Variants in MIS18BP1 observed in about 807,000 individuals in gnomAD.
MIS18BP1 encodes MIS18 binding protein 1, also known as mis18-binding protein 1.
A neutral mutation model predicts 116.1 loss-of-function variants in MIS18BP1; 72 were observed. That is an observed-to-expected ratio of 0.62 (90% confidence interval 0.51 to 0.75). The LOEUF (loss-of-function observed/expected upper bound fraction) is 0.75. Among genes scored for constraint, MIS18BP1 ranks in the 30% least tolerant of loss-of-function variants. The pLI, the probability that MIS18BP1 is intolerant of heterozygous loss-of-function variation, is 0.00. For synonymous variants in MIS18BP1, 386 were observed against 427.0 expected (o/e 0.90, Z 1.18); for missense variants, 1,363 against 1,303.2 (o/e 1.05, Z -0.71).
chr14:45,223,107 C>A (rs991671370), intron 11 of MIS18BP1, among the ~76,000 whole-genome samples: 1 of 150,556 alleles, frequency 6.6e-6, no homozygotes, highest in South Asian at 2.1e-4. Context: ...AAAAACAAAC[C>A]AAACCAAACA....
At chr14:45,231,075 A>G in intron 8 of MIS18BP1, 66 bp downstream of exon 8, 1 of 1,520,906 alleles carries the variant, frequency 6.6e-7, no homozygotes, top group South Asian at 1.2e-5. Context: ...ATTATAAACC[A>G]TAAACAATGT....
chr14:45,204,457 T>TA lies in MIS18BP1; in HGVS notation c.3241-5dup, dbSNP rs1566798538. 1 of 1,589,088 alleles carries TA rather than the reference T, an allele frequency of 6.3e-7. No homozygotes were observed. On this transcript the variant is annotated splice_polypyrimidine_tract_variant and splice_region_variant and intron_variant, in intron 15 of 16. Coordinates refer to ENST00000310806, the MANE Select transcript of MIS18BP1 (RefSeq NM_018353.5). ...GAGTTGAGAAATCAGTTTCAACCTATAAAAGAGTTACTATTAATAGCTAAA... is the reference window on the plus strand; with the variant it reads ...GAGTTGAGAAATCAGTTTCAACCTATAAAAAGAGTTACTATTAATAGCTAAA...
At chr14:45,225,677 T>G (rs1421707201) in intron 10 of MIS18BP1, among the ~76,000 whole-genome samples, 3 of 152,156 alleles carry the variant, frequency 2.0e-5, no homozygotes, top group Admixed American at 6.5e-5. Context: ...CCTGAGAATC[T>G]TATATCTTGT....
At chr14:45,247,656 T>C (rs1891758521) in intron 1 of MIS18BP1, among the ~76,000 whole-genome samples, 1 of 152,000 alleles carries the variant, frequency 6.6e-6, no homozygotes, top group African/African-American at 2.4e-5. Context: ...GTCATGATTG[T>C]GCCACTGCAT....
chr14:45,218,161 G>T, intron 12 of MIS18BP1, 121 bp downstream of exon 12: 1 of 1,108,434 alleles, frequency 9.0e-7, no homozygotes, highest in Non-Finnish European at 1.3e-6. Context: ...ATTCTCTCTA[G>T]CTTTAAAATT....
At position 45,239,194 on chromosome 14, in the gene MIS18BP1, T is replaced by A. The variant is rs189674247; in HGVS notation, c.1144-1473A>T. 2.0e-5 allele frequency among the ~76,000 whole-genome samples: 3 copies of A among 152,202 alleles called. 1 individual carries two copies. The East Asian group carries it at 5.8e-4, about 29-fold the overall frequency. On this transcript the variant is annotated intron_variant, in intron 4 of 16. Coordinates refer to ENST00000310806, the MANE Select transcript of MIS18BP1 (RefSeq NM_018353.5). The stretch of plus-strand genomic sequence containing the variant: ...ACACACTGTTTTAGATAGTGGAGAT[T>A]GAGTGAGAAAGTAAACAGCTGCCCC...
intron 14 of MIS18BP1, chr14:45,210,144 C>A: frequency 2.9e-6 from 1 of 343,254 alleles, no homozygotes; most frequent in African/African-American, 2.1e-5. Flanking sequence ...CAAGTAAAAC[C>A]TTGATCCATT....
At chr14:45,252,741 G>T (rs915951512) in intron 1 of MIS18BP1, among the ~76,000 whole-genome samples, 1 of 149,538 alleles carries the variant, frequency 6.7e-6, no homozygotes, top group African/African-American at 2.5e-5. Context: ...GGGTACTGAG[G>T]AATACAATTT....
chr14:45,235,607 A>AAC (rs1449221258), intron 6 of MIS18BP1, among the ~76,000 whole-genome samples: 11 of 151,734 alleles, frequency 7.2e-5, no homozygotes, highest in Non-Finnish European at 1.3e-4. Context: ...AAAAAAAAAA[A>AAC]CAAAAACACA....
At chr14:45,214,184 T>C (rs1452552659) in intron 13 of MIS18BP1, among the ~76,000 whole-genome samples, 1 of 152,204 alleles carries the variant, frequency 6.6e-6, no homozygotes, top group Non-Finnish European at 1.5e-5. Context: ...GAAGTCCTCT[T>C]TGCAGTTGAG....
At chr14:45,241,270 G>A (rs909311032) in intron 4 of MIS18BP1, among the ~76,000 whole-genome samples, 12 of 152,192 alleles carry the variant, frequency 7.9e-5, no homozygotes, top group Non-Finnish European at 1.5e-4. Flanking sequence ...AGGAGTCAGA[G>A]ACCAGCTTGG....
intron 6 of MIS18BP1, 73 bp downstream of exon 6, chr14:45,235,741 G>A (rs954953045): frequency 1.2e-5 from 15 of 1,276,986 alleles, no homozygotes; most frequent in East Asian, 7.6e-5. Context: ...TTAAAAAAAT[G>A]TGTATTACTG....
In MIS18BP1 at chr14:45,235,931, T is replaced by C. The variant is rs764159087; in HGVS notation, c.1231A>G (p.Ile411Val). 9 of 1,605,430 alleles carry C rather than the reference T, an allele frequency of 5.6e-6. No individual in the cohort carries two copies. The highest frequency in any genetic ancestry group is 1.7e-6 in the Non-Finnish European group (2 of 1,176,974). ...VEGKLIDVTN[I>V]YWHSNVIIER... ...ATAATTACATTACTGTGCCAATATATGTTAGTGACGTCTCTAGGAAAAAAA... is the reference window on the plus strand; with the variant it reads ...ATAATTACATTACTGTGCCAATATACGTTAGTGACGTCTCTAGGAAAAAAA... The change falls in exon 6 of 17, where the codon ATA becomes GTA. Residue 411 changes from isoleucine to valine, a missense_variant. Coordinates refer to ENST00000310806, the MANE Select transcript of MIS18BP1 (RefSeq NM_018353.5).
chr14:45,231,490 T>G (rs1243083198), intron 7 of MIS18BP1, 192 bp from the exon 8 acceptor site: 1 of 474,322 alleles, frequency 2.1e-6, no homozygotes, highest in African/African-American at 2.0e-5. Context: ...GTGTAACATC[T>G]TAAGTCAGAG....
intron 6 of MIS18BP1, among the ~76,000 whole-genome samples, chr14:45,235,527 T>C (rs1251187949): frequency 6.7e-6 from 1 of 149,446 alleles, no homozygotes; most frequent in East Asian, 1.9e-4. Flanking sequence ...GAGATGGAGG[T>C]TGCAGTGAGC....
In MIS18BP1 at chr14:45,204,446, G is replaced by A. The variant is rs752172972; in HGVS notation, c.3248C>T (p.Thr1083Ile). The A allele has an allele frequency of 4.4e-6, 7 of 1,601,854 alleles. No individual in the cohort carries two copies. The Admixed American group carries it at 5.3e-5, about 12-fold the overall frequency. ...WGNIKKKLVE[T>I]DFSTPTPRRK... ...TCTTGGTGTTGGAGTTGAGAAATCA[G>A]TTTCAACCTATAAAAGAGTTACTAT... is the stretch of plus-strand genomic sequence containing the variant. The change falls in exon 16 of 17, where the codon ACT (threonine) becomes ATT (isoleucine). Residue 1083 changes from threonine to isoleucine, a missense_variant. Coordinates refer to ENST00000310806, the MANE Select transcript of MIS18BP1 (RefSeq NM_018353.5).
At chr14:45,228,694 G>A (rs557773200) in intron 8 of MIS18BP1, among the ~76,000 whole-genome samples, 1 of 152,262 alleles carries the variant, frequency 6.6e-6, no homozygotes, top group South Asian at 2.1e-4. Context: ...CTTTAAAGAT[G>A]TACTGACTAG....
chr14:45,227,743 T>A lies in MIS18BP1; in HGVS notation c.1666A>T (p.Asn556Tyr). ...TCTGGGAACCTTAATGTTGGTTTAT[T>A]TTGGCAATTACTGTGGCACATGTTT... The part of the protein sequence containing the change: ...ELNMCHSNCQ[N>Y]KPTLRFPDDQ... The change falls in exon 9 of 17, where the codon AAT (asparagine) becomes TAT (tyrosine). Residue 556 changes from asparagine (N) to tyrosine (Y), a missense_variant. Coordinates refer to ENST00000310806, the MANE Select transcript of MIS18BP1 (RefSeq NM_018353.5). The A allele has an allele frequency of 1.9e-6, 3 of 1,613,988 alleles. No homozygotes were observed. The highest frequency in any genetic ancestry group is 2.5e-6 in the Non-Finnish European group (3 of 1,179,872).
chr14:45,223,542 C>T (rs934751951), intron 11 of MIS18BP1, among the ~76,000 whole-genome samples: 6 of 152,310 alleles, frequency 3.9e-5, no homozygotes, highest in African/African-American at 1.2e-4. Flanking sequence ...TGGCATTGCA[C>T]TCCAGACGGG....
Sources: allele counts gnomAD v4.1 joint callset (sites outside exome capture counted in the v4.1 genomes callset), GRCh38; gene constraint gnomAD v4.1.1; transcripts MANE v1.5; gene names NCBI Gene and HGNC (gene_info 2026-07-23, HGNC 2026-07-21).